Variants in ACVR1C observed in about 807,000 individuals in gnomAD.
The protein encoded by ACVR1C is activin receptor type-1C.
Under a neutral mutation model 57.9 loss-of-function variants are expected in ACVR1C, and 23 were observed. The observed-to-expected ratio is 0.40, with a 90% confidence interval of 0.29 to 0.56. The LOEUF (loss-of-function observed/expected upper bound fraction) is 0.56, where lower values mean the gene tolerates loss of function less well. ACVR1C is among the 20% of genes least tolerant of loss of function. The probability of loss-of-function intolerance (pLI) is 0.50; values close to 1 mark genes in which losing one functional copy is unlikely to be tolerated. For missense variants in ACVR1C, 480 were observed against 607.9 expected (o/e 0.79, Z 2.21); for synonymous variants, 214 against 215.3 (o/e 0.99, Z 0.05).
At chr2:157,607,854 G>C (rs1246041883) in intron 1 of ACVR1C, among the ~76,000 whole-genome samples, 1 of 151,576 alleles carries the variant, frequency 6.6e-6, no homozygotes, top group Non-Finnish European at 1.5e-5. Context: ...AATTTTTTTG[G>C]TGGAGGCTTT....
intron 1 of ACVR1C, among the ~76,000 whole-genome samples, chr2:157,598,162 G>A (rs1300462225): frequency 2.0e-5 from 3 of 149,182 alleles, no homozygotes; most frequent in South Asian, 4.3e-4. Flanking sequence ...CCCAACCAAG[G>A]GTTACACCAA....
intron 2 of ACVR1C, among the ~76,000 whole-genome samples, chr2:157,578,955 T>C (rs1688723441): frequency 6.6e-6 from 1 of 152,226 alleles, no homozygotes; most frequent in Non-Finnish European, 1.5e-5. Context: ...GAATTTAATG[T>C]TAAATTGAAC....
intron 1 of ACVR1C, among the ~76,000 whole-genome samples, chr2:157,606,035 T>C (rs1441112584): frequency 1.3e-5 from 2 of 151,850 alleles, no homozygotes; most frequent in East Asian, 1.9e-4. Context: ...CTCCCACATA[T>C]GAATGAGAAC....
chr2:157,618,615 T>C (rs1682702809), intron 1 of ACVR1C, among the ~76,000 whole-genome samples: 2 of 151,732 alleles, frequency 1.3e-5, no homozygotes, highest in Non-Finnish European at 1.5e-5. Context: ...TTATAATATG[T>C]AGACTTTCAG....
At chr2:157,547,290 G>A (rs921508679) in intron 4 of ACVR1C, among the ~76,000 whole-genome samples, 53 of 104,578 alleles carry the variant, frequency 5.1e-4, no homozygotes, top group African/African-American at 1.5e-3. Context: ...GTGTGCATGT[G>A]TCTTTATAGC....
intron 1 of ACVR1C, chr2:157,597,471 C>T: frequency 1.0e-6 from 1 of 985,462 alleles, no homozygotes; most frequent in Non-Finnish European, 1.2e-6. Context: ...CGCCGGGATG[C>T]CCCAGCTTTC....
chr2:157,578,273 T>A (rs183905683), intron 2 of ACVR1C, among the ~76,000 whole-genome samples: 1 of 152,254 alleles, frequency 6.6e-6, no homozygotes, highest in African/African-American at 2.4e-5. Context: ...AAGAATATAC[T>A]TACATTCTAT....
At chr2:157,566,304 G>A (rs185410706) in intron 2 of ACVR1C, among the ~76,000 whole-genome samples, 4 of 152,318 alleles carry the variant, frequency 2.6e-5, no homozygotes, top group African/African-American at 9.6e-5. Context: ...TGATGACAAG[G>A]GCAAGTTATA....
In ACVR1C at chr2:157,538,626, C is replaced by A; in HGVS notation, c.1303G>T (p.Val435Phe). The A allele has an allele frequency of 6.3e-7, 1 of 1,586,548 alleles. No individual in the cohort carries two copies. The highest frequency in any genetic ancestry group is 8.6e-7 in the Non-Finnish European group (1 of 1,166,746). Residue 435 changes from valine (V) to phenylalanine (F), a missense_variant, in exon 8 of 9, where the codon GTT becomes TTT. Coordinates refer to ENST00000243349, the MANE Select transcript of ACVR1C (RefSeq NM_145259.3). ...DPSIEEMRKV[V>F]CDQKFRPSIP... Reference sequence around the variant, plus strand: ...CTTGGTCGAAACTTCTGGTCACAAACAACCTTTCTCATTTCCTCTATCGAG... The same window carrying A: ...CTTGGTCGAAACTTCTGGTCACAAAAAACCTTTCTCATTTCCTCTATCGAG...
At chr2:157,627,218 A>G (rs980341061) in intron 1 of ACVR1C, among the ~76,000 whole-genome samples, 2 of 152,094 alleles carry the variant, frequency 1.3e-5, no homozygotes, top group Non-Finnish European at 2.9e-5. Context: ...TTTTTTTTGT[A>G]AACTCTATTA....
intron 1 of ACVR1C, among the ~76,000 whole-genome samples, chr2:157,608,883 C>T (rs767688050): frequency 6.6e-6 from 1 of 151,762 alleles, no homozygotes; most frequent in Non-Finnish European, 1.5e-5. Context: ...GTCTAGTTAA[C>T]AGTTTATGAC....
intron 2 of ACVR1C, among the ~76,000 whole-genome samples, chr2:157,566,265 G>C (rs987605598): frequency 6.6e-6 from 1 of 152,184 alleles, no homozygotes; most frequent in Non-Finnish European, 1.5e-5. Flanking sequence ...ATAGTACAGA[G>C]CTATATTCAC....
In ACVR1C at chr2:157,547,239, C is replaced by G. The variant is rs562680731; in HGVS notation, c.776-2627G>C. On this transcript the variant is annotated intron_variant, in intron 4 of 8. Transcript: ENST00000243349. ...TCATTGTTGGACATTTGGGTTGGTT[C>G]CAAGTCTTTGCTATTGTGAATAATG... is the stretch of plus-strand genomic sequence containing the variant. 4.1e-5 allele frequency among the ~76,000 whole-genome samples: 5 copies of G among 123,286 alleles called. No homozygotes were observed. The South Asian group carries it at 1.5e-3, about 37-fold the overall frequency. 80.9% of individuals were successfully genotyped at this position (123,286 alleles called of 152,430 possible). A position where few individuals can be genotyped will look rare whatever the true frequency, so the allele number is the denominator to read the frequency against.
At chr2:157,601,940 A>T (rs1045245956) in intron 1 of ACVR1C, among the ~76,000 whole-genome samples, 1 of 152,222 alleles carries the variant, frequency 6.6e-6, no homozygotes, top group Non-Finnish European at 1.5e-5. Context: ...CCGAAAATTA[A>T]GCTCCTGCTA....
chr2:157,543,952 T>C (rs2105209193), intron 5 of ACVR1C, among the ~76,000 whole-genome samples: 2 of 151,754 alleles, frequency 1.3e-5, no homozygotes, highest in African/African-American at 4.8e-5. Context: ...ATGGATAAGA[T>C]ACAAAATAGT....
intron 1 of ACVR1C, among the ~76,000 whole-genome samples, chr2:157,598,953 T>C (rs571281907): frequency 6.6e-6 from 1 of 152,228 alleles, no homozygotes; most frequent in Non-Finnish European, 1.5e-5. Flanking sequence ...TGAACGGCCA[T>C]ACTCCACATG....
intron 4 of ACVR1C, among the ~76,000 whole-genome samples, chr2:157,544,870 C>G (rs1687713047): frequency 1.3e-5 from 2 of 152,240 alleles, no homozygotes; most frequent in Non-Finnish European, 2.9e-5. Context: ...AACTGAACAA[C>G]TCCTTTCTTA....
chr2:157,574,403 A>C (rs1573929867), intron 2 of ACVR1C, among the ~76,000 whole-genome samples: 2 of 152,254 alleles, frequency 1.3e-5, no homozygotes, highest in South Asian at 4.1e-4. Flanking sequence ...TCCTGACCTA[A>C]TCAAGTCAAA....
intron 1 of ACVR1C, among the ~76,000 whole-genome samples, chr2:157,595,977 G>T (rs1281425854): frequency 6.6e-6 from 1 of 152,120 alleles, no homozygotes; most frequent in African/African-American, 2.4e-5. Context: ...AATTGTATTA[G>T]ACCCACTAGA....
Sources: gnomAD v4.1 joint callset for allele counts (sites outside exome capture counted in the v4.1 genomes callset) on GRCh38, gnomAD v4.1.1 for gene constraint, MANE v1.5 for transcripts, NCBI Gene and HGNC (gene_info 2026-07-23, HGNC 2026-07-21) for gene names.